Variants in ZNF511 observed in about 807,000 individuals in gnomAD.
ZNF511 encodes zinc finger protein 511.
In ZNF511, 26 loss-of-function variants were observed where a neutral mutation model predicts 24.8. The observed-to-expected ratio is 1.05, with a 90% confidence interval of 0.77 to 1.46. ZNF511 has a LOEUF of 1.46. Among genes scored for constraint, ZNF511 ranks in the 40% most tolerant of loss-of-function variants. ZNF511 has a pLI of 0.00. For synonymous variants in ZNF511, 144 were observed against 139.6 expected (o/e 1.03, Z -0.22); for missense variants, 358 against 345.0 (o/e 1.04, Z -0.30).
chr10:133,309,161 G>T (rs1564777470), intron 1 of ZNF511, 65 bp downstream of exon 1: 3 of 1,378,764 alleles, frequency 2.2e-6, no homozygotes, highest in Non-Finnish European at 2.8e-6. Flanking sequence ...GGCGAGGCGG[G>T]GCCGGAGCCT....
chr10:133,311,557 A>C, intron 4 of ZNF511, 159 bp from the exon 5 acceptor site: 1 of 617,908 alleles, frequency 1.6e-6, no homozygotes, highest in South Asian at 2.0e-5. Flanking sequence ...TCCTTTTCCC[A>C]GTATCTTAAA....
rs1589841604 is a variant in ZNF511 at position 133,309,103 on chromosome 10, G to T, written c.153+7G>T. On this transcript the variant is annotated splice_region_variant and intron_variant, in intron 1 of 5. Coordinates refer to ENST00000361518, the MANE Select transcript of ZNF511 (RefSeq NM_145806.4). ...GGAGCACCAGTTCTTCGAGGTGCGT[G>T]AGCAAAAGAGGGAAAAAGTAGTTGT... 1 of 1,322,710 alleles carries T rather than the reference G, an allele frequency of 7.6e-7. No homozygotes were observed. Among genetic ancestry groups the T allele is most frequent in the Non-Finnish European group, 9.7e-7 (1 of 1,031,316 alleles). 81.9% of individuals were successfully genotyped at this position (1,322,710 alleles called of 1,614,324 possible).
At position 133,313,097 on chromosome 10, in the gene ZNF511, C is replaced by T; in HGVS notation, c.*231C>T. On this transcript the variant is annotated 3_prime_UTR_variant, in exon 6 of 6. Coordinates refer to ENST00000361518, the MANE Select transcript of ZNF511 (RefSeq NM_145806.4). The stretch of plus-strand genomic sequence containing the variant: ...TGGGAAGGAGATGTGGACGGCCTGT[C>T]TCCTCCTGCAGGGCCCACCCTAAGA... The T allele has an allele frequency of 8.9e-7, 1 of 1,127,696 alleles. No homozygotes were observed. The highest frequency in any genetic ancestry group is 1.2e-6 in the Non-Finnish European group (1 of 835,058). 69.9% of individuals were successfully genotyped at this position (1,127,696 alleles called of 1,614,324 possible).
At chr10:133,312,601 G>T in intron 5 of ZNF511, 187 bp from the exon 6 acceptor site, 2 of 1,482,162 alleles carry the variant, frequency 1.3e-6, no homozygotes, top group Non-Finnish European at 1.8e-6. Flanking sequence ...TGGCTGGCGG[G>T]GACCCCCCAC....
chr10:133,310,208 C>T lies in ZNF511; in HGVS notation c.474C>T (p.Ser158=). 6.2e-7 allele frequency: 1 copy of T among 1,614,054 alleles called. No individual in the cohort carries two copies. Among genetic ancestry groups the T allele is most frequent in the Non-Finnish European group, 8.5e-7 (1 of 1,180,032 alleles). ...GCTGCACAGAGAAGTTCAAGACCAG[C>T]AGAGACCGGAAGGATCACATGGTGA... ...VEGCTEKFKT[S]RDRKDHMVRM... Residue 158 remains serine, a synonymous_variant, in exon 4 of 6, where the codon AGC becomes AGT. Transcript: ENST00000361518.
At chr10:133,309,732 C>G (rs774927411) in intron 2 of ZNF511, 44 bp from the exon 3 acceptor site, 1 of 1,606,646 alleles carries the variant, frequency 6.2e-7, no homozygotes, top group South Asian at 1.1e-5. Flanking sequence ...CAGCTTGGTT[C>G]CTCGCACCGG....
rs545620360 is a variant in ZNF511 at position 133,312,756 on chromosome 10, C to T, written c.681-32C>T. On this transcript the variant is annotated intron_variant, in intron 5 of 5. Coordinates refer to ENST00000361518, the MANE Select transcript of ZNF511 (RefSeq NM_145806.4). Reference sequence around the variant, plus strand: ...GACCTGGGTTGTTGGTTGGCAAATACAGCATCTAATAGAAACTTTCTTCCA... The same window carrying T: ...GACCTGGGTTGTTGGTTGGCAAATATAGCATCTAATAGAAACTTTCTTCCA... The T allele has an allele frequency of 2.5e-6, 4 of 1,614,066 alleles. No homozygotes were observed. In the South Asian group the frequency reaches 3.3e-5, roughly 13 times the overall value.
intron 2 of ZNF511, 45 bp downstream of exon 2, chr10:133,309,508 C>A: frequency 6.3e-7 from 1 of 1,579,920 alleles, no homozygotes. Flanking sequence ...CCTGCGCCGC[C>A]TCCCTGACCG....
intron 1 of ZNF511, 89 bp from the exon 2 acceptor site, chr10:133,309,301 A>G: frequency 6.7e-7 from 1 of 1,484,504 alleles, no homozygotes; most frequent in Non-Finnish European, 9.1e-7. Context: ...GGAGCGCGGG[A>G]TGACTGGGGC....
chr10:133,313,095 G>A lies in ZNF511; in HGVS notation c.*229G>A, dbSNP rs1203889340. 2.7e-6 allele frequency: 3 copies of A among 1,121,324 alleles called. No homozygotes were observed. Among genetic ancestry groups the A allele is most frequent in the Non-Finnish European group, 3.6e-6 (3 of 829,436 alleles). The allele number at this position is 1,121,324 out of a possible 1,614,324, so 69.5% of individuals were successfully genotyped here. ...ATTGGGAAGGAGATGTGGACGGCCTGTCTCCTCCTGCAGGGCCCACCCTAA... is the reference window on the plus strand; with the variant it reads ...ATTGGGAAGGAGATGTGGACGGCCTATCTCCTCCTGCAGGGCCCACCCTAA... On this transcript the variant is annotated 3_prime_UTR_variant, in exon 6 of 6. Coordinates refer to ENST00000361518, the MANE Select transcript of ZNF511 (RefSeq NM_145806.4).
chr10:133,312,854 C>T lies in ZNF511; in HGVS notation c.747C>T (p.Thr249=), dbSNP rs768120070. Residue 249 remains threonine (T), a synonymous_variant, in exon 6 of 6, where the codon ACC becomes ACT. Transcript: ENST00000361518. ...ARGFKSNKKK[T]KQC ...GATTTAAAAGCAACAAGAAGAAAACCAAACAATGCTGATAGACTCAGAAAA... is the reference window on the plus strand; with the variant it reads ...GATTTAAAAGCAACAAGAAGAAAACTAAACAATGCTGATAGACTCAGAAAA... 5 of 1,614,170 alleles carry T rather than the reference C, an allele frequency of 3.1e-6. No homozygotes were observed. The South Asian group carries it at 5.5e-5, about 18-fold the overall frequency.
At chr10:133,312,203 C>T in intron 5 of ZNF511, 1 of 1,406,148 alleles carries the variant, frequency 7.1e-7, no homozygotes, top group Non-Finnish European at 9.2e-7. Context: ...CCTGTGCCGT[C>T]TGCGTTTCTA....
chr10:133,308,981 CG>C lies in ZNF511; in HGVS notation c.42del (p.Ala17ArgfsTer7). 8.0e-7 allele frequency: 1 copy of C among 1,244,872 alleles called. No individual in the cohort carries two copies. The highest frequency in any genetic ancestry group is 1.0e-6 in the Non-Finnish European group (1 of 987,072). The allele number at this position is 1,244,872 out of a possible 1,614,324, so 77.1% of individuals were successfully genotyped here. ...LPPALCARLA[A>X]GPGAAEPLPV... ...CCCGCGCTGTGCGCCCGCCTCGCTG[CG>C]GGGCCCGGGGCGGCGGAGCCGCTGC... On this transcript the variant is annotated frameshift_variant, in exon 1 of 6. Transcript: ENST00000361518. LOFTEE classifies it high-confidence loss of function.
intron 4 of ZNF511, 74 bp from the exon 5 acceptor site, chr10:133,311,642 G>T (rs919327837): frequency 2.7e-5 from 35 of 1,287,224 alleles, no homozygotes; most frequent in Non-Finnish European, 3.4e-5. Flanking sequence ...TTTCTTTCTT[G>T]CATGTTCATT....
At position 133,312,296 on chromosome 10, in the gene ZNF511, C is replaced by T. The variant is rs41314511; in HGVS notation, c.680+455C>T. On this transcript the variant is annotated intron_variant, in intron 5 of 5. Transcript: ENST00000361518. Reference sequence around the variant, plus strand: ...TGACCTGTACTGTCTGCCTTTCTAGCGTCACCTGTGCCGTCTGCCTTTCTA... The same window carrying T: ...TGACCTGTACTGTCTGCCTTTCTAGTGTCACCTGTGCCGTCTGCCTTTCTA... The T allele has an allele frequency of 9.8e-3, 11,981 of 1,226,578 alleles. 80 individuals carry two copies. Among genetic ancestry groups the T allele is most frequent in the Non-Finnish European group, 0.011 (11,174 of 978,394 alleles). The allele number at this position is 1,226,578 out of a possible 1,614,324, so 76.0% of individuals were successfully genotyped here.
At position 133,309,777 on chromosome 10, in the gene ZNF511, G is replaced by T; in HGVS notation, c.229G>T (p.Val77Leu). ...QVADVPEKPR[V>L]PAFACQVAGC... ...TCCTGAAGCACGTCTCCTTGGCAGG[G>T]TGCCCGCGTTTGCCTGCCAGGTGGC... Residue 77 changes from valine (V) to leucine (L), a missense_variant and splice_region_variant, in exon 3 of 6, where the codon GTG becomes TTG. Physicochemically the swap from Val to Leu is conservative, Grantham distance 32 (BLOSUM62 1). Transcript: ENST00000361518. 6 of 1,612,702 alleles carry T rather than the reference G, an allele frequency of 3.7e-6. No individual in the cohort carries two copies. The highest frequency in any genetic ancestry group is 5.1e-6 in the Non-Finnish European group (6 of 1,180,022).
At chr10:133,312,209 T>G in intron 5 of ZNF511, 1 of 1,400,382 alleles carries the variant, frequency 7.1e-7, no homozygotes, top group Non-Finnish European at 9.2e-7. Flanking sequence ...CCGTCTGCGT[T>G]TCTAGCGTCA....
rs942359599 is a variant in ZNF511, at chr10:133,312,933, C to T, written c.*67C>T. 4.3e-5 allele frequency: 69 copies of T among 1,609,360 alleles called. No homozygotes were observed. The highest frequency in any genetic ancestry group is 5.8e-5 in the Non-Finnish European group (68 of 1,177,894). On this transcript the variant is annotated 3_prime_UTR_variant, in exon 6 of 6. Coordinates refer to ENST00000361518, the MANE Select transcript of ZNF511 (RefSeq NM_145806.4). ...CGTGGCATCCGCCTTGGGCCTTTCT[C>T]CGACCTTCTGGTGTGGCCGCCCTGG... is the stretch of plus-strand genomic sequence containing the variant.
Position 133,312,005 on chromosome 10 carries a change from C to A in ZNF511, c.680+164C>A, listed in dbSNP as rs1848001304. 1.3e-6 allele frequency: 2 copies of A among 1,591,210 alleles called. No individual in the cohort carries two copies. Among genetic ancestry groups the A allele is most frequent in the South Asian group, 2.2e-5 (2 of 89,360 alleles). ...AGAAGAAAGTCCAGATATCTCAGGT[C>A]CTGTGAATAACTTAGTTTCTCTCGC... On this transcript the variant is annotated intron_variant, in intron 5 of 5. Transcript: ENST00000361518.
Sources: gnomAD v4.1 joint callset for allele counts on GRCh38, gnomAD v4.1.1 for gene constraint, MANE v1.5 for transcripts, NCBI Gene and HGNC (gene_info 2026-07-23, HGNC 2026-07-21) for gene names.